Variants in CCDC13 observed in about 807,000 individuals in gnomAD.
CCDC13 encodes coiled-coil domain containing 13, also known as coiled-coil domain-containing protein 13.
A neutral mutation model predicts 87.3 loss-of-function variants in CCDC13; 70 were observed. The ratio of observed to expected loss-of-function variants is 0.80; its 90% CI spans 0.66 to 0.98. The LOEUF is 0.98. Ranked by LOEUF, CCDC13 falls within the 50% of genes least tolerant of loss-of-function variation. The pLI is 0.00. For missense variants in CCDC13, 842 were observed against 892.0 expected (o/e 0.94, Z 0.71); for synonymous variants, 317 against 360.3 (o/e 0.88, Z 1.36).
At chr3:42,743,109 C>T in intron 7 of CCDC13, 52 bp from the exon 8 acceptor site, 1 of 1,603,874 alleles carries the variant, frequency 6.2e-7, no homozygotes. Flanking sequence ...CCAGCCTCTT[C>T]TACTCAGAAG....
chr3:42,715,714 C>T (rs1287674932), intron 13 of CCDC13, among the ~76,000 whole-genome samples: 1 of 152,222 alleles, frequency 6.6e-6, no homozygotes, highest in African/African-American at 2.4e-5. Flanking sequence ...TTGGTCAGTG[C>T]AGATACTGAA....
At chr3:42,733,824 G>A (rs1269789935) in intron 10 of CCDC13, among the ~76,000 whole-genome samples, 8 of 152,240 alleles carry the variant, frequency 5.3e-5, no homozygotes. Context: ...CATGGTGTGA[G>A]GACGGTGACT....
In CCDC13 at chr3:42,708,493, T is replaced by TA. The variant is rs1698227214; in HGVS notation, c.*486_*487insT. On this transcript the variant is annotated 3_prime_UTR_variant, in exon 16 of 16. Coordinates refer to ENST00000310232, the MANE Select transcript of CCDC13 (RefSeq NM_144719.4). ...GGTTGAGAGCATAGTGCCCCAAGTC[T>TA]GTGTAGGGTGTGGACGGCTACAGAT... The TA allele has an allele frequency of 6.5e-6, 1 of 152,910 alleles. No homozygotes were observed. Among genetic ancestry groups the TA allele is most frequent in the Non-Finnish European group, 1.5e-5 (1 of 68,682 alleles). The allele number at this position is 152,910 out of a possible 1,614,324, so 9.5% of individuals were successfully genotyped here.
chr3:42,718,729 G>A (rs1698489771), intron 13 of CCDC13, among the ~76,000 whole-genome samples: 1 of 152,082 alleles, frequency 6.6e-6, no homozygotes, highest in South Asian at 2.1e-4. Context: ...CTGACCCAAA[G>A]GCTAACTTTG....
intron 1 of CCDC13, among the ~76,000 whole-genome samples, chr3:42,759,046 G>A (rs1224132477): frequency 6.6e-6 from 1 of 152,230 alleles, no homozygotes; most frequent in Non-Finnish European, 1.5e-5. Flanking sequence ...CAGGTTGGGT[G>A]CAGTGGCTCA....
At chr3:42,713,086 T>C in intron 14 of CCDC13, 76 bp downstream of exon 14, 4 of 1,529,660 alleles carry the variant, frequency 2.6e-6, no homozygotes, top group Non-Finnish European at 3.6e-6. Flanking sequence ...GGCTGAACAG[T>C]GCAGCTGCCT....
chr3:42,713,047 A>C (rs1373663730), intron 14 of CCDC13, 115 bp downstream of exon 14: 1 of 1,216,694 alleles, frequency 8.2e-7, no homozygotes, highest in Non-Finnish European at 1.1e-6. Flanking sequence ...ACCCTGATGG[A>C]AGCTCTGCTT....
At chr3:42,729,069 G>T (rs1324942488) in intron 13 of CCDC13, among the ~76,000 whole-genome samples, 1 of 152,148 alleles carries the variant, frequency 6.6e-6, no homozygotes, top group Admixed American at 6.5e-5. Context: ...GACATTATGT[G>T]GGGTAGAATT....
intron 3 of CCDC13, among the ~76,000 whole-genome samples, chr3:42,755,301 C>A (rs1430908751): frequency 6.6e-6 from 1 of 152,200 alleles, no homozygotes; most frequent in Non-Finnish European, 1.5e-5. Context: ...CTGTCACTTG[C>A]AGCTCAGTTT....
chr3:42,759,434 T>C (rs1022818097), intron 1 of CCDC13, among the ~76,000 whole-genome samples: 2 of 152,230 alleles, frequency 1.3e-5, no homozygotes, highest in Non-Finnish European at 2.9e-5. Flanking sequence ...TTGTGCCCTT[T>C]TGCAGTCAAT....
intron 10 of CCDC13, among the ~76,000 whole-genome samples, chr3:42,734,283 T>TCTGGTGGGTAATGCTTGGCCCCCATTCAG (rs1698927797): frequency 1.3e-5 from 2 of 152,096 alleles, no homozygotes; most frequent in Non-Finnish European, 2.9e-5. Flanking sequence ...CCGACTTAAG[T>TCTGGTGGGTAATGCTTGGCCCCCATTCAG]CTGGTGGGTA....
At chr3:42,731,685 C>T (rs376134007) in intron 12 of CCDC13, among the ~76,000 whole-genome samples, 5 of 152,240 alleles carry the variant, frequency 3.3e-5, no homozygotes, top group African/African-American at 1.2e-4. Context: ...AGGGCCGATT[C>T]TTCACTCTGC....
intron 3 of CCDC13, 36 bp downstream of exon 3, chr3:42,757,030 G>C: frequency 1.9e-6 from 3 of 1,599,380 alleles, no homozygotes; most frequent in Non-Finnish European, 2.6e-6. Flanking sequence ...TCCCTGGACT[G>C]CAGGGCAAGG....
At chr3:42,720,337 A>T (rs1210370031) in intron 13 of CCDC13, among the ~76,000 whole-genome samples, 2 of 152,220 alleles carry the variant, frequency 1.3e-5, no homozygotes, top group Non-Finnish European at 2.9e-5. Context: ...AAATGCCATT[A>T]TGACTCTTAA....
In CCDC13 at chr3:42,752,014, G is replaced by T; in HGVS notation, c.525C>A (p.Ala175=). The part of the protein sequence containing the change: ...IQELERELQT[A]LTRLSAKGAT... ...CCCCCTTGGCTGACAGCCTGGTCAGGGCTGTCTGCAGCTGAAAAAGCAAAC... is the reference window on the plus strand; with the variant it reads ...CCCCCTTGGCTGACAGCCTGGTCAGTGCTGTCTGCAGCTGAAAAAGCAAAC... The change falls in exon 5 of 16, where the codon GCC becomes GCA. Residue 175 remains alanine (A), a synonymous_variant. Coordinates refer to ENST00000310232, the MANE Select transcript of CCDC13 (RefSeq NM_144719.4). 1 of 1,606,862 alleles carries T rather than the reference G, an allele frequency of 6.2e-7. No individual in the cohort carries two copies.
Position 42,707,911 on chromosome 3 carries a change from A to G in CCDC13, c.*1069T>C, listed in dbSNP as rs1698213465. ...CTTGGGGCCACTCCTTCCTGTAGCT[A>G]TAAGTGCATAGTTACAGCTGAGAAA... On this transcript the variant is annotated 3_prime_UTR_variant, in exon 16 of 16. Coordinates refer to ENST00000310232, the MANE Select transcript of CCDC13 (RefSeq NM_144719.4). 6.6e-6 allele frequency among the ~76,000 whole-genome samples: 1 copy of G among 152,158 alleles called. No individual in the cohort carries two copies. Among genetic ancestry groups the G allele is most frequent in the South Asian group, 2.1e-4 (1 of 4,830 alleles).
At chr3:42,772,824 A>G (rs1423143640) in intron 1 of CCDC13, among the ~76,000 whole-genome samples, 1 of 152,164 alleles carries the variant, frequency 6.6e-6, no homozygotes, top group Admixed American at 6.5e-5. Flanking sequence ...GTGCGGTGCG[A>G]GAGGGCCCAG....
At chr3:42,766,984 C>G (rs1699944777) in intron 1 of CCDC13, among the ~76,000 whole-genome samples, 1 of 152,162 alleles carries the variant, frequency 6.6e-6, no homozygotes, top group African/African-American at 2.4e-5. Context: ...CGCTTTACCC[C>G]TAAGACTGGG....
intron 1 of CCDC13, among the ~76,000 whole-genome samples, chr3:42,763,950 A>G (rs1699884149): frequency 6.6e-6 from 1 of 152,238 alleles, no homozygotes; most frequent in Non-Finnish European, 1.5e-5. Context: ...AATCAAATAC[A>G]TTTAAGATAT....
Sources: allele counts gnomAD v4.1 joint callset (sites outside exome capture counted in the v4.1 genomes callset), GRCh38; gene constraint gnomAD v4.1.1; transcripts MANE v1.5; gene names NCBI Gene and HGNC (gene_info 2026-07-23, HGNC 2026-07-21).